The following WDHD1 variants were observed in gnomAD, a reference collection of about 807,000 sequenced individuals.
WDHD1 encodes the protein WD repeat and HMG-box DNA-binding protein 1.
A neutral mutation model predicts 135.4 loss-of-function variants in WDHD1; 111 were observed. The ratio of observed to expected loss-of-function variants is 0.82; its 90% confidence interval spans 0.70 to 0.96. The LOEUF is 0.96. WDHD1 is among the 40% of genes least tolerant of loss of function. The probability of loss-of-function intolerance (pLI) is 0.00; values close to 1 mark genes in which losing one functional copy is unlikely to be tolerated. For synonymous variants in WDHD1, 434 were observed against 439.0 expected (o/e 0.99, Z 0.14); for missense variants, 1,351 against 1,336.3 (o/e 1.01, Z -0.17).
At chr14:54,953,380 A>G (rs1254411866) in intron 24 of WDHD1, among the ~76,000 whole-genome samples, 1 of 152,252 alleles carries the variant, frequency 6.6e-6, no homozygotes, top group Non-Finnish European at 1.5e-5. Context: ...AATGCTCATC[A>G]TCACTGGCCA....
Position 54,972,581 on chromosome 14 carries a change from AAAAAAAAAAT to A in WDHD1, c.2064-5197_2064-5188del, listed in dbSNP as rs1307102218. On this transcript the variant is annotated intron_variant, in intron 16 of 25. Transcript: ENST00000360586. ...AAAAAAAAAAAAAAAAAAAAAAAAA[AAAAAAAAAAT>A]GCCAATGAGGCATATTCACTTTCAT... 3.5e-3 allele frequency among the ~76,000 whole-genome samples: 452 copies of A among 128,300 alleles called. 63 individuals carry two copies. Among genetic ancestry groups the A allele is most frequent in the African/African-American group, 0.014 (346 of 24,026 alleles). The allele number at this position is 128,300 out of a possible 152,430, so 84.2% of individuals were successfully genotyped here.
intron 16 of WDHD1, among the ~76,000 whole-genome samples, chr14:54,967,629 T>A (rs2041366358): frequency 6.6e-6 from 1 of 152,088 alleles, no homozygotes; most frequent in African/African-American, 2.4e-5. Flanking sequence ...TCACTTGATT[T>A]ATTTTTTTTG....
intron 18 of WDHD1, among the ~76,000 whole-genome samples, chr14:54,963,794 T>C (rs1006010911): frequency 2.5e-5 from 3 of 117,768 alleles, no homozygotes; most frequent in African/African-American, 9.4e-5. Flanking sequence ...AGCGAGACTC[T>C]GTCTCAAAAA....
At chr14:55,017,198 G>A (rs1167457863) in intron 2 of WDHD1, among the ~76,000 whole-genome samples, 5 of 152,024 alleles carry the variant, frequency 3.3e-5, no homozygotes, top group African/African-American at 1.2e-4. Context: ...TACAAACTTT[G>A]GCAGGAAATA....
intron 24 of WDHD1, among the ~76,000 whole-genome samples, chr14:54,949,578 G>T (rs2041003714): frequency 6.6e-6 from 1 of 152,192 alleles, no homozygotes; most frequent in South Asian, 2.1e-4. Context: ...AAAACACTCT[G>T]CAGGATACTA....
rs765096443 is a variant in WDHD1, at chr14:55,010,393, G to C, written c.257C>G (p.Pro86Arg). Residue 86 changes from proline to arginine, a missense_variant, in exon 4 of 26, where the codon CCA becomes CGA. Pro to Arg is a moderately radical substitution (Grantham distance 103). Transcript: ENST00000360586. ...IQVHTFPEGV[P>R]DGILTRFTTN... is the part of the protein sequence containing the mutation. ...AGTGAAGCGAGTCAATATACCATCTGGAACTCCTTCAGGAAATGTGTGGAC... is the reference window on the plus strand; with the variant it reads ...AGTGAAGCGAGTCAATATACCATCTCGAACTCCTTCAGGAAATGTGTGGAC... 3.1e-6 allele frequency: 5 copies of C among 1,613,254 alleles called. No individual in the cohort carries two copies. In the South Asian group the frequency reaches 5.5e-5, roughly 18 times the overall value.
chr14:55,020,907 GA>G (rs959041585), intron 2 of WDHD1, among the ~76,000 whole-genome samples: 3 of 152,110 alleles, frequency 2.0e-5, no homozygotes, highest in Non-Finnish European at 2.9e-5. Flanking sequence ...ATAAAGAGGA[GA>G]AAAAATATTT....
At position 54,941,551 on chromosome 14, in the gene WDHD1, T is replaced by C. The variant is rs776482249; in HGVS notation, c.3329A>G (p.Gln1110Arg). The change falls in exon 26 of 26, where the codon CAG becomes CGG. Residue 1110 changes from glutamine to arginine, a missense_variant. Transcript: ENST00000360586. Reference sequence around the variant, plus strand: ...ATTTGTAGAAAAATCTAAAGGTTTCTGCTTTTTAGACAAATTCAGGTTCTC... The same window carrying C: ...ATTTGTAGAAAAATCTAAAGGTTTCCGCTTTTTAGACAAATTCAGGTTCTC... ...AKENLNLSKKQKPLDFSTNQK... is the reference protein window; with the variant it reads ...AKENLNLSKKRKPLDFSTNQK... The C allele has an allele frequency of 1.0e-4, 169 of 1,613,884 alleles. No homozygotes were observed. Among genetic ancestry groups the C allele is most frequent in the Non-Finnish European group, 1.3e-4 (158 of 1,179,970 alleles).
chr14:54,981,522 CT>C lies in WDHD1; in HGVS notation c.2063+17del. Reference sequence around the variant, plus strand: ...CTTTTTAAAAAGAGTCAACTTTAGACTTCTTTTAATAGCCCACCTTAGTTGC... The same window carrying C: ...CTTTTTAAAAAGAGTCAACTTTAGACTCTTTTAATAGCCCACCTTAGTTGC... On this transcript the variant is annotated intron_variant, in intron 16 of 25. Coordinates refer to ENST00000360586, the MANE Select transcript of WDHD1 (RefSeq NM_007086.4). The C allele has an allele frequency of 6.2e-7, 1 of 1,605,974 alleles. No homozygotes were observed. The highest frequency in any genetic ancestry group is 8.5e-7 in the Non-Finnish European group (1 of 1,177,346).
intron 16 of WDHD1, among the ~76,000 whole-genome samples, chr14:54,970,560 T>C (rs181307131): frequency 4.7e-5 from 7 of 149,804 alleles, no homozygotes; most frequent in Admixed American, 2.7e-4. Context: ...GAAGAATCAA[T>C]ATCATTAAAA....
rs1401766605 is a variant in WDHD1, at chr14:55,025,141, C to T, written c.77+1570G>A. Among the ~76,000 whole-genome samples the T allele has an allele frequency of 5.4e-5, 7 of 129,222 alleles. 1 individual carries two copies. Among genetic ancestry groups the T allele is most frequent in the South Asian group, 6.0e-4 (2 of 3,312 alleles). The allele number at this position is 129,222 out of a possible 152,430, so 84.8% of individuals were successfully genotyped here. The stretch of plus-strand genomic sequence containing the variant: ...TAGGGCTGGAGGTGGGACCTGCGGG[C>T]AGCAATACTGCTTTGTAAAGCATTG... On this transcript the variant is annotated intron_variant, in intron 2 of 25. Transcript: ENST00000360586.
At chr14:55,026,984 A>G in intron 1 of WDHD1, 44 bp downstream of exon 1, 1 of 589,516 alleles carries the variant, frequency 1.7e-6, no homozygotes, top group Non-Finnish European at 3.0e-6. Flanking sequence ...GAAAGGGAAC[A>G]CGCATCTCCT....
chr14:54,969,035 AT>A (rs1484029425), intron 16 of WDHD1, among the ~76,000 whole-genome samples: 1 of 151,570 alleles, frequency 6.6e-6, no homozygotes, highest in African/African-American at 2.4e-5. Flanking sequence ...CCTTGTTTCT[AT>A]TTATTTATTT....
At chr14:54,981,264 A>G (rs67571433) in intron 16 of WDHD1, among the ~76,000 whole-genome samples, 46,089 of 152,016 alleles carry the variant, frequency 0.3, 7,027 homozygotes, top group South Asian at 0.34. Flanking sequence ...GACAGTAATA[A>G]AAGGTGAAAT....
Position 55,027,045 on chromosome 14 carries a change from C to A in WDHD1, c.-34G>T. ...GGACTCACCCGGGTGACCGAGCCTC[C>A]GCCACTGAGGATCCACAAGAGCTGC... On this transcript the variant is annotated 5_prime_UTR_variant, in exon 1 of 26. Transcript: ENST00000360586. The A allele has an allele frequency of 2.1e-6, 1 of 481,638 alleles. No homozygotes were observed. The highest frequency in any genetic ancestry group is 3.8e-6 in the Non-Finnish European group (1 of 264,376). 29.8% of individuals were successfully genotyped at this position (481,638 alleles called of 1,614,324 possible). A position where few individuals can be genotyped will look rare whatever the true frequency, so the allele number is the denominator to read the frequency against.
intron 16 of WDHD1, among the ~76,000 whole-genome samples, chr14:54,977,087 GT>G (rs571063052): frequency 5.5e-5 from 8 of 146,716 alleles, no homozygotes; most frequent in South Asian, 2.2e-4. Context: ...AAATAAGGTT[GT>G]TTTTTTTTTG....
At chr14:55,006,785 T>C (rs554538705) in intron 7 of WDHD1, among the ~76,000 whole-genome samples, 9 of 152,294 alleles carry the variant, frequency 5.9e-5, no homozygotes, top group South Asian at 2.1e-4. Context: ...AAAATGAATC[T>C]TGAAAAAGTT....
chr14:54,974,091 TA>T lies in WDHD1; in HGVS notation c.2064-6698del, dbSNP rs75249088. Among the ~76,000 whole-genome samples the T allele has an allele frequency of 6.2e-3, 877 of 141,030 alleles. 1 individual carries two copies. Among genetic ancestry groups the T allele is most frequent in the African/African-American group, 0.016 (612 of 38,822 alleles). The allele number at this position is 141,030 out of a possible 152,430, so 92.5% of individuals were successfully genotyped here. On this transcript the variant is annotated intron_variant, in intron 16 of 25. Coordinates refer to ENST00000360586, the MANE Select transcript of WDHD1 (RefSeq NM_007086.4). ...GCATAAACCACCTGGAAGAGGAATT[TA>T]AAAAAAAAAAAACAATGAAAAACCT...
intron 25 of WDHD1, among the ~76,000 whole-genome samples, chr14:54,942,902 T>C (rs1168819957): frequency 6.6e-6 from 1 of 152,258 alleles, no homozygotes; most frequent in East Asian, 1.9e-4. Flanking sequence ...AGTCTCTTCC[T>C]CTTTTGCAGT....
Sources: gnomAD v4.1 joint callset for allele counts (sites outside exome capture counted in the v4.1 genomes callset) on GRCh38, gnomAD v4.1.1 for gene constraint, MANE v1.5 for transcripts, NCBI Gene and HGNC (gene_info 2026-07-23, HGNC 2026-07-21) for gene names.